SLC16A7: variants seen among roughly 807,000 people sequenced by gnomAD.
SLC16A7 encodes monocarboxylate transporter 2.
Under a neutral mutation model 34.9 loss-of-function variants are expected in SLC16A7, and 33 were observed. The ratio of observed to expected loss-of-function variants is 0.94; its 90% CI spans 0.72 to 1.26. The LOEUF (loss-of-function observed/expected upper bound fraction) is 1.26, where lower values mean the gene tolerates loss of function less well. Ranked by LOEUF, SLC16A7 falls within the 50% of genes most tolerant of loss-of-function variation. The pLI is 0.00. For missense variants in SLC16A7, 573 were observed against 578.1 expected, an observed-to-expected ratio of 0.99 and a Z score of 0.09; for synonymous variants, 201 against 206.6, an observed-to-expected ratio of 0.97 and a Z score of 0.23.
chr12:59,777,838 T>G (rs34264510), intron 5 of SLC16A7, among the ~76,000 whole-genome samples: 34,761 of 130,720 alleles, frequency 0.27, 4,419 homozygotes, highest in East Asian at 0.32. Context: ...GAGTGTGATG[T>G]TCCCCTTCCT....
intron 3 of SLC16A7, among the ~76,000 whole-genome samples, chr12:59,751,110 G>A (rs1043053072): frequency 4.6e-5 from 7 of 152,072 alleles, no homozygotes; most frequent in Admixed American, 2.0e-4. Context: ...TACCTGGATC[G>A]CTGGAGCCAA....
intron 1 of SLC16A7, among the ~76,000 whole-genome samples, chr12:59,611,892 A>G (rs1565617282): frequency 1.3e-5 from 2 of 152,232 alleles, no homozygotes; most frequent in Admixed American, 6.5e-5. Context: ...ATGGTCACAT[A>G]TGGCCTTGGG....
At chr12:59,644,620 A>G (rs140536163) in intron 1 of SLC16A7, among the ~76,000 whole-genome samples, 1,721 of 152,270 alleles carry the variant, frequency 0.011, 17 homozygotes, top group Non-Finnish European at 0.016. Flanking sequence ...TTTAGAAGTT[A>G]CCTTGGACCT....
chr12:59,630,263 G>A (rs747757110), intron 1 of SLC16A7, among the ~76,000 whole-genome samples: 7 of 151,754 alleles, frequency 4.6e-5, no homozygotes, highest in Non-Finnish European at 1.0e-4. Flanking sequence ...GCATATATTG[G>A]TTCACTTGTG....
intron 3 of SLC16A7, among the ~76,000 whole-genome samples, chr12:59,753,081 G>T (rs1879792414): frequency 6.6e-6 from 1 of 152,136 alleles, no homozygotes; most frequent in Non-Finnish European, 1.5e-5. Context: ...CACAAGGCCT[G>T]CCCTAAAAGA....
chr12:59,631,813 A>G (rs1299376591), intron 1 of SLC16A7, among the ~76,000 whole-genome samples: 2 of 151,974 alleles, frequency 1.3e-5, no homozygotes, highest in Non-Finnish European at 2.9e-5. Flanking sequence ...TGAGAGCCCT[A>G]CTTGTTTAAA....
At position 59,704,821 on chromosome 12, in the gene SLC16A7, C is replaced by G. The variant is rs1379358012; in HGVS notation, c.20C>G (p.Ala7Gly). 2 of 1,613,288 alleles carry G rather than the reference C, an allele frequency of 1.2e-6. No homozygotes were observed. Among genetic ancestry groups the G allele is most frequent in the Admixed American group, 3.3e-5 (2 of 59,958 alleles). MPPMPS[A>G]PPVHPPPDGG... ...GCAGAAATGCCACCAATGCCAAGTG[C>G]CCCACCTGTGCATCCACCTCCAGAT... Residue 7 changes from alanine to glycine, a missense_variant, in exon 3 of 6, where the codon GCC (alanine) becomes GGC (glycine). Coordinates refer to ENST00000547379, the MANE Select transcript of SLC16A7 (RefSeq NM_001270623.2).
rs149877547 is a variant in SLC16A7, at chr12:59,670,702, G to C, written c.-31+15452G>C. Among the ~76,000 whole-genome samples, 372 of 152,258 alleles carry C rather than the reference G, an allele frequency of 2.4e-3. 1 individual carries two copies. Among genetic ancestry groups the C allele is most frequent in the African/African-American group, 8.5e-3 (352 of 41,558 alleles). ...GAGAAATTGGAAGGAAAAACAAATG[G>C]TGTCACTGGTCTAAATTCACTGGTC... On this transcript the variant is annotated intron_variant, in intron 2 of 5. Transcript: ENST00000547379.
chr12:59,678,177 T>C (rs894701252), intron 2 of SLC16A7, among the ~76,000 whole-genome samples: 1 of 152,164 alleles, frequency 6.6e-6, no homozygotes, highest in Non-Finnish European at 1.5e-5. Flanking sequence ...AGCTCTTCTC[T>C]GCCTCTCTCT....
intron 2 of SLC16A7, chr12:59,664,973 C>T (rs1869075270): frequency 6.6e-6 from 1 of 152,058 alleles, no homozygotes; most frequent in African/African-American, 2.4e-5. Context: ...AAATCGTATT[C>T]GTGTTCATTG....
rs538877944 is a variant in SLC16A7, at chr12:59,762,103, G to C, written c.218-9116G>C. Among the ~76,000 whole-genome samples, 244 of 152,186 alleles carry C rather than the reference G, an allele frequency of 1.6e-3. 1 individual carries two copies. The highest frequency in any genetic ancestry group is 5.7e-3 in the African/African-American group (237 of 41,544). On this transcript the variant is annotated intron_variant, in intron 3 of 5. Transcript: ENST00000547379. ...GTTCTGTAATGTAATCTGACTCAAG[G>C]AGAACAAATGGAGAGGGTCTTTGTC... is the stretch of plus-strand genomic sequence containing the variant.
chr12:59,625,859 G>A (rs1879904494), intron 1 of SLC16A7, among the ~76,000 whole-genome samples: 1 of 151,638 alleles, frequency 6.6e-6, no homozygotes, highest in Admixed American at 6.6e-5. Flanking sequence ...AATAAAAACA[G>A]AACAACTTGT....
intron 3 of SLC16A7, among the ~76,000 whole-genome samples, chr12:59,758,344 C>T (rs1457396396): frequency 6.6e-6 from 1 of 152,002 alleles, no homozygotes; most frequent in Non-Finnish European, 1.5e-5. Context: ...TATTTTCCAG[C>T]AGATACTGTA....
At chr12:59,741,685 A>G (rs897196776) in intron 3 of SLC16A7, among the ~76,000 whole-genome samples, 2 of 152,216 alleles carry the variant, frequency 1.3e-5, no homozygotes, top group African/African-American at 4.8e-5. Context: ...ATTCACGGGA[A>G]TCTCTGAAGC....
At chr12:59,728,474 C>A (rs184550732) in intron 3 of SLC16A7, among the ~76,000 whole-genome samples, 119 of 152,312 alleles carry the variant, frequency 7.8e-4, no homozygotes, top group Non-Finnish European at 8.8e-5. Context: ...GATATGCTTT[C>A]AGATTACTAA....
chr12:59,647,529 A>G (rs1165901290), intron 1 of SLC16A7, among the ~76,000 whole-genome samples: 1 of 152,180 alleles, frequency 6.6e-6, no homozygotes, highest in African/African-American at 2.4e-5. Flanking sequence ...TGTCTCAGGT[A>G]TGTCCTTATA....
At chr12:59,777,653 T>G (rs1882891648) in intron 5 of SLC16A7, among the ~76,000 whole-genome samples, 1 of 151,584 alleles carries the variant, frequency 6.6e-6, no homozygotes, top group African/African-American at 2.4e-5. Flanking sequence ...TTATTATTTT[T>G]TATTTTATTA....
intron 3 of SLC16A7, among the ~76,000 whole-genome samples, chr12:59,732,381 C>T (rs755150940): frequency 6.6e-6 from 1 of 152,142 alleles, no homozygotes; most frequent in Non-Finnish European, 1.5e-5. Context: ...GATCGCGCCA[C>T]TGCACTCCAG....
chr12:59,607,837 C>T (rs1157932473), intron 1 of SLC16A7, among the ~76,000 whole-genome samples: 1 of 152,080 alleles, frequency 6.6e-6, no homozygotes, highest in Non-Finnish European at 1.5e-5. Context: ...CATTAGGAAA[C>T]AGATGTATCA....
Sources: allele counts gnomAD v4.1 joint callset (sites outside exome capture counted in the v4.1 genomes callset), GRCh38; gene constraint gnomAD v4.1.1; transcripts MANE v1.5; gene names NCBI Gene and HGNC (gene_info 2026-07-23, HGNC 2026-07-21).